Variants in LAMA2 observed in about 807,000 individuals in gnomAD.
LAMA2 encodes the protein laminin subunit alpha-2.
LAMA2 carries 269 observed loss-of-function variants against 364.8 expected under a neutral mutation model. That is an observed-to-expected ratio of 0.74 (90% confidence interval 0.67 to 0.82). LAMA2 has a LOEUF of 0.82. LAMA2 is among the 40% of genes least tolerant of loss of function. The pLI, the probability that LAMA2 is intolerant of heterozygous loss-of-function variation, is 0.00. For synonymous variants in LAMA2, 1,379 were observed against 1,370.6 expected (o/e 1.01, Z -0.14); for missense variants, 3,807 against 3,873.2 (o/e 0.98, Z 0.45).
At chr6:128,894,185 A>G (rs4316028) in intron 1 of LAMA2, among the ~76,000 whole-genome samples, 33,373 of 152,064 alleles carry the variant, frequency 0.22, 5,543 homozygotes, top group African/African-American at 0.47. Context: ...GATCTATCTT[A>G]CACCTGGAAA....
At chr6:129,142,572 C>T (rs537831534) in intron 4 of LAMA2, among the ~76,000 whole-genome samples, 1 of 152,076 alleles carries the variant, frequency 6.6e-6, no homozygotes, top group East Asian at 1.9e-4. Context: ...ATATTCAGTT[C>T]ACCTGTAATA....
At chr6:129,459,450 C>G (rs1034231836) in intron 48 of LAMA2, among the ~76,000 whole-genome samples, 1 of 151,940 alleles carries the variant, frequency 6.6e-6, no homozygotes, top group Non-Finnish European at 1.5e-5. Context: ...AAAATGACAC[C>G]AGGATTGAAT....
At position 129,300,838 on chromosome 6, in the gene LAMA2, A is replaced by G. The variant is rs764615438; in HGVS notation, c.3140A>G (p.Asn1047Ser). Residue 1047 changes from asparagine to serine, a missense_variant, in exon 22 of 65, where the codon AAT becomes AGT. Coordinates refer to ENST00000421865, the MANE Select transcript of LAMA2 (RefSeq NM_000426.4). ...GAGAAATGTTCTAAATGTGCACCCA[A>G]TACCTGGGGCCACAGCATTACCACT... ...IGEKCSKCAP[N>S]TWGHSITTGC... is the part of the protein sequence containing the mutation. 1.1e-5 allele frequency: 17 copies of G among 1,613,864 alleles called. No individual in the cohort carries two copies. Among genetic ancestry groups the G allele is most frequent in the Non-Finnish European group, 1.4e-5 (16 of 1,179,752 alleles).
Position 129,276,147 on chromosome 6 carries a change from A to C in LAMA2, c.2451-3914A>C, listed in dbSNP as rs1156238494. ...TTCCTCTCAGTCCCTGCCCCTTTTCAGTTATGTGTGAATATTCTCATTACC... is the reference window on the plus strand; with the variant it reads ...TTCCTCTCAGTCCCTGCCCCTTTTCCGTTATGTGTGAATATTCTCATTACC... On this transcript the variant is annotated intron_variant, in intron 17 of 64. Coordinates refer to ENST00000421865, the MANE Select transcript of LAMA2 (RefSeq NM_000426.4). Among the ~76,000 whole-genome samples the C allele has an allele frequency of 3.3e-5, 5 of 151,932 alleles. No homozygotes were observed. The East Asian group carries it at 9.6e-4, about 29-fold the overall frequency.
intron 12 of LAMA2, among the ~76,000 whole-genome samples, chr6:129,194,414 C>T (rs1434845635): frequency 6.6e-6 from 1 of 152,040 alleles, no homozygotes; most frequent in Admixed American, 6.5e-5. Flanking sequence ...AGAAGGAAAG[C>T]AAGCAAATGG....
At chr6:129,333,256 A>G (rs899802579) in intron 29 of LAMA2, among the ~76,000 whole-genome samples, 3 of 152,156 alleles carry the variant, frequency 2.0e-5, no homozygotes, top group African/African-American at 7.2e-5. Context: ...TATCTGTTAT[A>G]ATAATAATTT....
intron 1 of LAMA2, among the ~76,000 whole-genome samples, chr6:129,040,755 T>C (rs1193798757): frequency 2.0e-5 from 3 of 152,196 alleles, no homozygotes; most frequent in Non-Finnish European, 4.4e-5. Context: ...TATGAATCCA[T>C]TGAGGAGATC....
chr6:129,201,663 C>T (rs544062825), intron 12 of LAMA2, among the ~76,000 whole-genome samples: 4 of 152,082 alleles, frequency 2.6e-5, no homozygotes, highest in South Asian at 2.1e-4. Flanking sequence ...GAACAAAGTC[C>T]AATACTATTT....
rs537328324 is a variant in LAMA2 at position 129,483,456 on chromosome 6, T to G, written c.7749+2017T>G. ...GCCCATATGGAGAAAATTATAAAAT[T>G]TCATTGAATGATACCAAAGTATTTC... is the stretch of plus-strand genomic sequence containing the variant. On this transcript the variant is annotated intron_variant, in intron 55 of 64. Transcript: ENST00000421865. Among the ~76,000 whole-genome samples the G allele has an allele frequency of 9.9e-5, 15 of 152,218 alleles. No individual in the cohort carries two copies. The South Asian group carries it at 3.1e-3, about 32-fold the overall frequency.
At position 129,047,470 on chromosome 6, in the gene LAMA2, C is replaced by A. The variant is rs530088940; in HGVS notation, c.113-2448C>A. Among the ~76,000 whole-genome samples the A allele has an allele frequency of 2.0e-4, 31 of 152,272 alleles. No homozygotes were observed. In the South Asian group the frequency reaches 2.7e-3, roughly 13 times the overall value. ...AATCAGGAAAAATTGGGAACCTCAA[C>A]TTTCAGCTGAAGAAAAACACAAGGC... On this transcript the variant is annotated intron_variant, in intron 1 of 64. Coordinates refer to ENST00000421865, the MANE Select transcript of LAMA2 (RefSeq NM_000426.4).
intron 13 of LAMA2, among the ~76,000 whole-genome samples, chr6:129,251,312 C>G (rs1023451271): frequency 1.3e-5 from 2 of 151,302 alleles, no homozygotes; most frequent in Non-Finnish European, 2.9e-5. Flanking sequence ...TTGTTTTTTC[C>G]CATGTAGTAA....
At chr6:129,239,044 G>T (rs1220796524) in intron 12 of LAMA2, among the ~76,000 whole-genome samples, 2 of 152,108 alleles carry the variant, frequency 1.3e-5, no homozygotes, top group Non-Finnish European at 2.9e-5. Flanking sequence ...TTTGGAGATT[G>T]TTTTACATAA....
chr6:129,273,572 G>T (rs1417381996), intron 17 of LAMA2, among the ~76,000 whole-genome samples: 1 of 152,050 alleles, frequency 6.6e-6, no homozygotes, highest in Non-Finnish European at 1.5e-5. Flanking sequence ...ATTTTGCTTG[G>T]ATAATTATAG....
chr6:128,951,128 T>C (rs1780789655), intron 1 of LAMA2, among the ~76,000 whole-genome samples: 1 of 152,190 alleles, frequency 6.6e-6, no homozygotes, highest in African/African-American at 2.4e-5. Context: ...TGATGGTCAT[T>C]TTCATGGAGC....
intron 1 of LAMA2, among the ~76,000 whole-genome samples, chr6:129,024,761 T>C (rs879347464): frequency 6.6e-5 from 10 of 152,056 alleles, no homozygotes; most frequent in Admixed American, 2.0e-4. Context: ...CAGTTTTTGA[T>C]TAGGCAGAAG....
chr6:129,098,345 CAT>C lies in LAMA2; in HGVS notation c.572_573del (p.Tyr191CysfsTer4), dbSNP rs1337962688. On this transcript the variant is annotated frameshift_variant, in exon 4 of 65. Coordinates refer to ENST00000421865, the MANE Select transcript of LAMA2 (RefSeq NM_000426.4). LOFTEE classifies it high-confidence loss of function. Reference sequence around the variant, plus strand: ...ATTTATCCCCGCACTGGGCCACCGTCATATGCCAAAGATGATGAGGTCATCTG... The same window carrying C: ...ATTTATCCCCGCACTGGGCCACCGTCATGCCAAAGATGATGAGGTCATCTG... 6.2e-7 allele frequency: 1 copy of C among 1,614,010 alleles called. No homozygotes were observed. Among genetic ancestry groups the C allele is most frequent in the South Asian group, 1.1e-5 (1 of 91,072 alleles).
chr6:128,924,608 T>C (rs541614019), intron 1 of LAMA2, among the ~76,000 whole-genome samples: 1 of 152,102 alleles, frequency 6.6e-6, no homozygotes, highest in South Asian at 2.1e-4. Flanking sequence ...ATCCCTCATA[T>C]GAAAAATTTA....
chr6:129,486,659 A>C lies in LAMA2; in HGVS notation c.7898+37A>C, dbSNP rs540411680. ...ACTAAAATATTTATTATTGTAACTC[A>C]GGTGAACTTCCTTTGCTAGCATCGG... is the stretch of plus-strand genomic sequence containing the variant. On this transcript the variant is annotated intron_variant, in intron 56 of 64. Coordinates refer to ENST00000421865, the MANE Select transcript of LAMA2 (RefSeq NM_000426.4). 12 of 1,591,106 alleles carry C rather than the reference A, an allele frequency of 7.5e-6. No homozygotes were observed. In the South Asian group the frequency reaches 1.3e-4, roughly 18 times the overall value.
chr6:129,476,240 C>G (rs1784061054), intron 53 of LAMA2, among the ~76,000 whole-genome samples: 1 of 151,960 alleles, frequency 6.6e-6, no homozygotes, highest in Admixed American at 6.6e-5. Context: ...CCGAACTGAT[C>G]CAAGAAATTT....
Sources: allele counts gnomAD v4.1 joint callset (sites outside exome capture counted in the v4.1 genomes callset), GRCh38; gene constraint gnomAD v4.1.1; transcripts MANE v1.5; gene names NCBI Gene and HGNC (gene_info 2026-07-23, HGNC 2026-07-21).